The following INSIG1 variants were observed in gnomAD, a reference collection of about 807,000 sequenced individuals.
The protein encoded by INSIG1 is insulin induced gene 1, also known as insulin-induced gene 1 protein.
A neutral mutation model predicts 26.5 loss-of-function variants in INSIG1; 14 were observed. The observed-to-expected ratio is 0.53, with a 90% confidence interval of 0.35 to 0.83. INSIG1 has a LOEUF of 0.83. INSIG1 is among the 40% of genes least tolerant of loss of function. The pLI, the probability that INSIG1 is intolerant of heterozygous loss-of-function variation, is 0.01. For missense variants in INSIG1, 272 were observed against 368.9 expected (o/e 0.74, Z 2.15); for synonymous variants, 147 against 153.3 (o/e 0.96, Z 0.30).
At chr7:155,300,890 C>T (rs1430377590) in intron 2 of INSIG1, among the ~76,000 whole-genome samples, 2 of 152,210 alleles carry the variant, frequency 1.3e-5, no homozygotes, top group East Asian at 1.9e-4. Flanking sequence ...GAGGCTTGAC[C>T]ATGCGGGAAC....
chr7:155,300,012 ATG>A (rs1797740851), intron 2 of INSIG1, among the ~76,000 whole-genome samples: 1 of 152,088 alleles, frequency 6.6e-6, no homozygotes, highest in Non-Finnish European at 1.5e-5. Flanking sequence ...AGTGGGTAGA[ATG>A]TTTTCATATT....
At position 155,302,883 on chromosome 7, in the gene INSIG1, G is replaced by A. The variant is rs11772189; in HGVS notation, c.804+37G>A. The A allele has an allele frequency of 3.5e-5, 48 of 1,366,114 alleles. No individual in the cohort carries two copies. The highest frequency in any genetic ancestry group is 5.1e-5 in the Admixed American group (3 of 59,370). The allele number at this position is 1,366,114 out of a possible 1,614,324, so 84.6% of individuals were successfully genotyped here. On this transcript the variant is annotated intron_variant, in intron 5 of 5. Coordinates refer to ENST00000340368, the MANE Select transcript of INSIG1 (RefSeq NM_005542.6). The surrounding 1 kb of genome is among the most constrained non-coding windows in gnomAD (Gnocchi z 4.3). ...GATCATATTATCTTCTAAAACTTGC[G>A]TCTCTTTACCTTGATAGAATGACTT...
chr7:155,303,919 G>T, intron 5 of INSIG1: 1 of 1,272,722 alleles, frequency 7.9e-7, no homozygotes, highest in Non-Finnish European at 1.1e-6. Context: ...TCTTCCACTG[G>T]TTACTGACTC....
intron 5 of INSIG1, among the ~76,000 whole-genome samples, chr7:155,304,751 T>C (rs1298415700): frequency 1.3e-5 from 2 of 152,146 alleles, no homozygotes; most frequent in African/African-American, 2.4e-5. Context: ...GGATAGTTGG[T>C]GTAATTATAA....
At position 155,298,607 on chromosome 7, in the gene INSIG1, C is replaced by G. The variant is rs202184874; in HGVS notation, c.322C>G (p.Gln108Glu). The change falls in exon 2 of 6, where the codon CAG (glutamine) becomes GAG (glutamate). Residue 108 changes from glutamine (Q) to glutamate (E), a missense_variant. Around this residue, in one of 2 missense-constraint regions of INSIG1, gnomAD observed 161 missense variants for 179.2 expected, o/e 0.90. Transcript: ENST00000340368. The part of the protein sequence containing the change: ...LALVLNLLQI[Q>E]RNVTLFPEEV... ...CCTGGTGCTCAACCTGCTGCAGATC[C>G]AGAGGAATGTCACTCTCTTCCCCGA... 1 of 1,613,548 alleles carries G rather than the reference C, an allele frequency of 6.2e-7. No homozygotes were observed. The highest frequency in any genetic ancestry group is 2.2e-5 in the East Asian group (1 of 44,868).
chr7:155,300,951 C>A (rs1191387275), intron 2 of INSIG1, among the ~76,000 whole-genome samples: 1 of 152,206 alleles, frequency 6.6e-6, no homozygotes, highest in African/African-American at 2.4e-5. Flanking sequence ...CCCGTACTTG[C>A]CCATGTGCAT....
intron 2 of INSIG1, among the ~76,000 whole-genome samples, chr7:155,299,684 CGTTT>C (rs1563029654): frequency 2.0e-5 from 3 of 152,308 alleles, no homozygotes; most frequent in African/African-American, 7.2e-5. Context: ...TTGTGGCTGA[CGTTT>C]GTCAGCTGAC....
chr7:155,300,048 CTT>C (rs1228404190), intron 2 of INSIG1, among the ~76,000 whole-genome samples: 7 of 152,106 alleles, frequency 4.6e-5, no homozygotes, highest in African/African-American at 7.2e-5. Context: ...ACGGGATCCT[CTT>C]TCGTTTTTCG....
At chr7:155,305,726 C>T (rs1797918935) in intron 5 of INSIG1, among the ~76,000 whole-genome samples, 1 of 152,166 alleles carries the variant, frequency 6.6e-6, no homozygotes, top group Non-Finnish European at 1.5e-5. Flanking sequence ...TTGCCCAGTG[C>T]ACTCCACACC....
Position 155,301,269 on chromosome 7 carries a change from G to T in INSIG1, c.413-297G>T, listed in dbSNP as rs962089212. 3.3e-5 allele frequency among the ~76,000 whole-genome samples: 5 copies of T among 152,144 alleles called. No homozygotes were observed. In the East Asian group the frequency reaches 9.6e-4, roughly 29 times the overall value. On this transcript the variant is annotated intron_variant, in intron 2 of 5. Coordinates refer to ENST00000340368, the MANE Select transcript of INSIG1 (RefSeq NM_005542.6). ...GGCAAATGTGGATATTAAATATAAG[G>T]TTACATATTGCTCATATTAATATGA...
At chr7:155,307,503 C>G (rs1797968956) in intron 5 of INSIG1, among the ~76,000 whole-genome samples, 1 of 152,196 alleles carries the variant, frequency 6.6e-6, no homozygotes, top group African/African-American at 2.4e-5. Context: ...ATCTCTCTGG[C>G]TTTGCTTCTT....
rs1797997442 is a variant in INSIG1, at chr7:155,308,477, C to T, written c.*207C>T. On this transcript the variant is annotated 3_prime_UTR_variant, in exon 6 of 6. Transcript: ENST00000340368. The stretch of plus-strand genomic sequence containing the variant: ...CCTGAAGTCTTCCCTTGACTGCCCG[C>T]ACTGGCGCCTGTCTGTGCCCTGGAG... The T allele has an allele frequency of 6.2e-6, 4 of 649,730 alleles. No individual in the cohort carries two copies. Among genetic ancestry groups the T allele is most frequent in the Non-Finnish European group, 1.1e-5 (4 of 360,426 alleles). The allele number at this position is 649,730 out of a possible 1,614,324, so 40.2% of individuals were successfully genotyped here. A position where few individuals can be genotyped will look rare whatever the true frequency, so the allele number is the denominator to read the frequency against.
At position 155,301,594 on chromosome 7, in the gene INSIG1, C is replaced by T. The variant is rs764359072; in HGVS notation, c.441C>T (p.Ile147=). Residue 147 remains isoleucine, a synonymous_variant, in exon 3 of 6, where the codon ATC becomes ATT. Coordinates refer to ENST00000340368, the MANE Select transcript of INSIG1 (RefSeq NM_005542.6). ...TTGTTGGCCTACTGTACCCCTGTAT[C>T]GACAGTCACCTCGGAGAACCCCACA... ...AAVVGLLYPC[I]DSHLGEPHKF... 15 of 1,609,950 alleles carry T rather than the reference C, an allele frequency of 9.3e-6. No individual in the cohort carries two copies. The highest frequency in any genetic ancestry group is 1.2e-5 in the Non-Finnish European group (14 of 1,177,150).
At chr7:155,303,059 G>C (rs1272274379) in intron 5 of INSIG1, 2 of 439,812 alleles carry the variant, frequency 4.5e-6, no homozygotes, top group Admixed American at 3.5e-5. Context: ...TCTAGAAAAG[G>C]AACTAGAGCC....
At position 155,309,431 on chromosome 7, in the gene INSIG1, A is replaced by G. The variant is rs543459398; in HGVS notation, c.*1161A>G. On this transcript the variant is annotated 3_prime_UTR_variant, in exon 6 of 6. Transcript: ENST00000340368. Reference sequence around the variant, plus strand: ...AGGAAACTCGGCAATGATTTCTTTCAGTTGTGAAGTTCCTTTCGTGTTACA... The same window carrying G: ...AGGAAACTCGGCAATGATTTCTTTCGGTTGTGAAGTTCCTTTCGTGTTACA... The G allele has an allele frequency of 2.6e-5, 4 of 152,758 alleles. No individual in the cohort carries two copies. Among genetic ancestry groups the G allele is most frequent in the South Asian group, 2.1e-4 (1 of 4,824 alleles). The allele number at this position is 152,758 out of a possible 1,614,324, so 9.5% of individuals were successfully genotyped here. A position where few individuals can be genotyped will look rare whatever the true frequency, so the allele number is the denominator to read the frequency against.
chr7:155,300,822 C>G (rs1449606261), intron 2 of INSIG1, among the ~76,000 whole-genome samples: 1 of 152,212 alleles, frequency 6.6e-6, no homozygotes, highest in Non-Finnish European at 1.5e-5. Flanking sequence ...CATCAGAGGG[C>G]AAGCTGGGAT....
At chr7:155,299,030 C>T (rs968429235) in intron 2 of INSIG1, among the ~76,000 whole-genome samples, 1 of 152,248 alleles carries the variant, frequency 6.6e-6, no homozygotes, top group Non-Finnish European at 1.5e-5. Flanking sequence ...TGTCATCCCG[C>T]GCCAGCCGCC....
chr7:155,303,671 T>C (rs1797854973), intron 5 of INSIG1, among the ~76,000 whole-genome samples: 1 of 152,192 alleles, frequency 6.6e-6, no homozygotes, highest in Non-Finnish European at 1.5e-5. Flanking sequence ...GGTGGACTTT[T>C]AAATGTTATT....
In INSIG1 at chr7:155,304,876, G is replaced by A. The variant is rs554844555; in HGVS notation, c.804+2030G>A. On this transcript the variant is annotated intron_variant, in intron 5 of 5. Coordinates refer to ENST00000340368, the MANE Select transcript of INSIG1 (RefSeq NM_005542.6). ...AGAGAGGCTGGGCGCGGTGGCTCAC[G>A]CCTTTAATCCCAGCACTTTGGGAGG... 2.0e-5 allele frequency among the ~76,000 whole-genome samples: 3 copies of A among 151,556 alleles called. No homozygotes were observed. The East Asian group carries it at 5.8e-4, about 29-fold the overall frequency.
Sources: gnomAD v4.1 joint callset for allele counts (sites outside exome capture counted in the v4.1 genomes callset) on GRCh38, gnomAD v4.1.1 for gene constraint, gnomAD v4.1.1 regional missense constraint, Gnocchi (gnomAD v3.1) non-coding constraint, MANE v1.5 for transcripts, NCBI Gene and HGNC (gene_info 2026-07-23, HGNC 2026-07-21) for gene names.